Variants in CADM2 observed in about 807,000 individuals in gnomAD.
CADM2 encodes immunoglobulin superfamily member 4D.
Under a neutral mutation model 49.8 loss-of-function variants are expected in CADM2, and 12 were observed. The observed-to-expected ratio is 0.24, with a 90% CI of 0.15 to 0.39. The LOEUF is 0.39. Among genes scored for constraint, CADM2 ranks in the 10% least tolerant of loss-of-function variants. The probability of loss-of-function intolerance (pLI) is 1.00; values close to 1 mark genes in which losing one functional copy is unlikely to be tolerated. For synonymous variants in CADM2, 214 were observed against 175.4 expected (o/e 1.22, Z -1.74); for missense variants, 378 against 492.3 (o/e 0.77, Z 2.20).
chr3:85,028,483 A>T (rs1028683135), intron 1 of CADM2, among the ~76,000 whole-genome samples: 1 of 152,160 alleles, frequency 6.6e-6, no homozygotes, highest in Non-Finnish European at 1.5e-5. Flanking sequence ...ACTATGAATT[A>T]AAAAAATTGT....
At chr3:85,810,650 C>T (rs962430160) in intron 3 of CADM2, among the ~76,000 whole-genome samples, 1 of 150,922 alleles carries the variant, frequency 6.6e-6, no homozygotes, top group Non-Finnish European at 1.5e-5. Context: ...GGTGATTCTC[C>T]TGCCTCAGCC....
intron 1 of CADM2, among the ~76,000 whole-genome samples, chr3:85,554,480 A>C (rs1162887647): frequency 1.3e-5 from 2 of 152,152 alleles, no homozygotes; most frequent in Non-Finnish European, 2.9e-5. Flanking sequence ...GATGAAAGAG[A>C]CCAAGAATCA....
At chr3:85,261,572 A>G (rs59228295) in intron 1 of CADM2, among the ~76,000 whole-genome samples, 1,821 of 152,144 alleles carry the variant, frequency 0.012, 31 homozygotes, top group African/African-American at 0.041. Flanking sequence ...AATATTTTCT[A>G]TGGCCTTCAG....
chr3:85,086,499 C>T (rs557060983), intron 1 of CADM2, among the ~76,000 whole-genome samples: 3 of 142,576 alleles, frequency 2.1e-5, no homozygotes, highest in Admixed American at 7.7e-5. Context: ...TCAAAACATA[C>T]AAGAATAAAC....
At chr3:85,081,272 C>A (rs1443572749) in intron 1 of CADM2, among the ~76,000 whole-genome samples, 1 of 152,050 alleles carries the variant, frequency 6.6e-6, no homozygotes, top group Non-Finnish European at 1.5e-5. Flanking sequence ...AACATCTACC[C>A]ACTATGTGAC....
chr3:85,670,016 C>T (rs944247797), intron 1 of CADM2, among the ~76,000 whole-genome samples: 66 of 152,096 alleles, frequency 4.3e-4, no homozygotes, highest in African/African-American at 1.5e-3. Flanking sequence ...CTCAATTTCT[C>T]CCCCTGGGTT....
intron 1 of CADM2, among the ~76,000 whole-genome samples, chr3:85,482,383 CTT>C (rs1428698342): frequency 6.6e-6 from 1 of 151,726 alleles, no homozygotes; most frequent in African/African-American, 2.4e-5. Flanking sequence ...TTGTCAGAGA[CTT>C]TTAGAAATAA....
chr3:85,507,764 T>C (rs1262258917), intron 1 of CADM2, among the ~76,000 whole-genome samples: 2 of 152,210 alleles, frequency 1.3e-5, no homozygotes, highest in Non-Finnish European at 2.9e-5. Flanking sequence ...TATCAATATT[T>C]TCTCATGCTC....
At chr3:85,823,541 T>C (rs1473409014) in intron 3 of CADM2, among the ~76,000 whole-genome samples, 1 of 152,190 alleles carries the variant, frequency 6.6e-6, no homozygotes, top group African/African-American at 2.4e-5. Context: ...AATAAACTGT[T>C]GTGGACTGGC....
At chr3:85,743,447 G>A (rs577186087) in intron 2 of CADM2, among the ~76,000 whole-genome samples, 53 of 152,180 alleles carry the variant, frequency 3.5e-4, no homozygotes, top group African/African-American at 1.2e-3. Flanking sequence ...TGTCTCTATC[G>A]CTTTAAAGCA....
chr3:85,695,427 T>A (rs560748354), intron 1 of CADM2, among the ~76,000 whole-genome samples: 1 of 152,164 alleles, frequency 6.6e-6, no homozygotes, highest in Non-Finnish European at 1.5e-5. Flanking sequence ...TGAGAAAATG[T>A]GTTATTTGGT....
chr3:84,977,346 A>G (rs369339934), intron 1 of CADM2, among the ~76,000 whole-genome samples: 6 of 152,008 alleles, frequency 3.9e-5, no homozygotes, highest in African/African-American at 1.4e-4. Flanking sequence ...TTCTTGGAAG[A>G]GCACTGATAA....
At chr3:85,445,448 G>A (rs917825168) in intron 1 of CADM2, among the ~76,000 whole-genome samples, 3 of 151,902 alleles carry the variant, frequency 2.0e-5, no homozygotes, top group Admixed American at 6.6e-5. Context: ...AGATTAAGTA[G>A]ATAAAACATA....
chr3:85,657,430 T>C (rs2065235857), intron 1 of CADM2, among the ~76,000 whole-genome samples: 1 of 152,064 alleles, frequency 6.6e-6, no homozygotes, highest in Non-Finnish European at 1.5e-5. Flanking sequence ...ATTGATCTTC[T>C]AGTTATAAGC....
At chr3:85,403,746 A>G (rs2035235430) in intron 1 of CADM2, among the ~76,000 whole-genome samples, 1 of 152,158 alleles carries the variant, frequency 6.6e-6, no homozygotes, top group Non-Finnish European at 1.5e-5. Context: ...AACTTCCAGA[A>G]GATTATAAGT....
chr3:85,497,595 C>T (rs12632140), intron 1 of CADM2, among the ~76,000 whole-genome samples: 46,715 of 151,880 alleles, frequency 0.31, 8,184 homozygotes, highest in East Asian at 0.55. Context: ...TTTTGTAATT[C>T]TCATGTTTAT....
intron 1 of CADM2, among the ~76,000 whole-genome samples, chr3:85,605,717 G>T (rs1030825139): frequency 6.6e-6 from 1 of 152,040 alleles, no homozygotes; most frequent in African/African-American, 2.4e-5. Flanking sequence ...AAGCTGGGAT[G>T]CAGGCAAATT....
At position 85,912,550 on chromosome 3, in the gene CADM2, A is replaced by C. The variant is rs761804143; in HGVS notation, c.700+7A>C. On this transcript the variant is annotated splice_region_variant and intron_variant, in intron 6 of 9. Transcript: ENST00000383699. ...CAGGTGCTAGAAATACACTGTAAGT[A>C]AACACTACTTCCCCCTCCTTTATCT... 1 of 1,610,590 alleles carries C rather than the reference A, an allele frequency of 6.2e-7. No individual in the cohort carries two copies. Among genetic ancestry groups the C allele is most frequent in the Admixed American group, 1.7e-5 (1 of 59,402 alleles).
chr3:85,975,664 G>T (rs1726687263), intron 8 of CADM2, among the ~76,000 whole-genome samples: 2 of 151,432 alleles, frequency 1.3e-5, no homozygotes, highest in Admixed American at 6.6e-5. Context: ...TTGTAAATTT[G>T]AAGTGCTGAA....
Sources: allele counts gnomAD v4.1 joint callset (sites outside exome capture counted in the v4.1 genomes callset), GRCh38; gene constraint gnomAD v4.1.1; transcripts MANE v1.5; gene names NCBI Gene and HGNC (gene_info 2026-07-23, HGNC 2026-07-21).